The following B3GALT1 variants were observed in gnomAD, a reference collection of about 807,000 sequenced individuals.
The protein encoded by B3GALT1 is UDP-Gal:betaGlcNAc beta 1,3-galactosyltransferase, polypeptide 1.
In B3GALT1, 10 loss-of-function variants were observed where a neutral mutation model predicts 23.2. That is an observed-to-expected ratio of 0.43 (90% CI 0.27 to 0.73). B3GALT1 has a LOEUF of 0.73. B3GALT1 is among the 30% of genes least tolerant of loss of function. The probability of loss-of-function intolerance (pLI) is 0.21; values close to 1 mark genes in which losing one functional copy is unlikely to be tolerated. For missense variants in B3GALT1, 299 were observed against 405.4 expected (o/e 0.74, Z 2.25); for synonymous variants, 156 against 141.5 (o/e 1.10, Z -0.73).
chr2:167,650,485 T>C (rs10182008), intron 3 of B3GALT1, among the ~76,000 whole-genome samples: 105,598 of 151,458 alleles, frequency 0.7, 37,375 homozygotes, highest in Admixed American at 0.76. Context: ...GGTCTGTAGT[T>C]TTCCTTTTTT....
intron 2 of B3GALT1, among the ~76,000 whole-genome samples, chr2:167,502,341 A>G (rs73024044): frequency 0.011 from 1,714 of 152,294 alleles, 29 homozygotes; most frequent in African/African-American, 0.039. Context: ...AGCAACCACA[A>G]TATTCTAGGG....
chr2:167,410,615 G>A (rs1341045510), intron 1 of B3GALT1, among the ~76,000 whole-genome samples: 1 of 151,918 alleles, frequency 6.6e-6, no homozygotes, highest in Non-Finnish European at 1.5e-5. Context: ...GAGAGCATTA[G>A]GACAAATACC....
At chr2:167,592,929 A>C (rs150690619) in intron 2 of B3GALT1, among the ~76,000 whole-genome samples, 3 of 152,378 alleles carry the variant, frequency 2.0e-5, no homozygotes, top group Non-Finnish European at 4.4e-5. Flanking sequence ...AAAGATGGTC[A>C]GTGTCATGCG....
intron 1 of B3GALT1, among the ~76,000 whole-genome samples, chr2:167,392,205 G>C (rs781044609): frequency 6.6e-6 from 1 of 151,618 alleles, no homozygotes; most frequent in South Asian, 2.1e-4. Context: ...CTTTTAAATC[G>C]TTTCTATAAA....
intron 2 of B3GALT1, among the ~76,000 whole-genome samples, chr2:167,529,989 A>G (rs1683296984): frequency 6.6e-6 from 1 of 151,996 alleles, no homozygotes; most frequent in Non-Finnish European, 1.5e-5. Flanking sequence ...TAATATTTCA[A>G]ATCTTTACAA....
intron 2 of B3GALT1, among the ~76,000 whole-genome samples, chr2:167,630,197 T>C (rs1261476969): frequency 1.3e-5 from 2 of 151,788 alleles, no homozygotes; most frequent in Non-Finnish European, 2.9e-5. Flanking sequence ...CTTACCACAA[T>C]GCATTAAATG....
chr2:167,817,485 G>T lies in B3GALT1; in HGVS notation c.-351-1187G>T, dbSNP rs536048048. Among the ~76,000 whole-genome samples the T allele has an allele frequency of 9.2e-5, 14 of 152,288 alleles. No individual in the cohort carries two copies. The South Asian group carries it at 2.3e-3, about 25-fold the overall frequency. ...TGCACATGGGACCTAGAAAGGTTAA[G>T]TATCATCAGTGGCTGAGTCAGTCTC... On this transcript the variant is annotated intron_variant, in intron 3 of 4. Transcript: ENST00000392690.
intron 1 of B3GALT1, among the ~76,000 whole-genome samples, chr2:167,433,189 T>C (rs954596662): frequency 1.3e-5 from 2 of 152,198 alleles, no homozygotes; most frequent in Non-Finnish European, 2.9e-5. Flanking sequence ...TCATACAGTA[T>C]GTAGCCCTTT....
intron 1 of B3GALT1, among the ~76,000 whole-genome samples, chr2:167,454,216 CGCGCGCGT>C (rs1559102060): frequency 2.0e-5 from 3 of 146,806 alleles, no homozygotes; most frequent in African/African-American, 8.1e-5. Flanking sequence ...TGTGTGCGCA[CGCGCGCGT>C]GCACGTGTGT....
At chr2:167,654,637 G>C (rs1216410498) in intron 3 of B3GALT1, among the ~76,000 whole-genome samples, 1 of 151,846 alleles carries the variant, frequency 6.6e-6, no homozygotes, top group Non-Finnish European at 1.5e-5. Flanking sequence ...GGGATAGCAA[G>C]TGTGCACCAC....
intron 3 of B3GALT1, among the ~76,000 whole-genome samples, chr2:167,651,257 T>A (rs1685859216): frequency 9.9e-5 from 1 of 10,054 alleles, no homozygotes; most frequent in South Asian, 0.012. Flanking sequence ...TGTGTGTGTG[T>A]GTGTGTGTGT....
chr2:167,446,157 A>C (rs907898449), intron 1 of B3GALT1, among the ~76,000 whole-genome samples: 1 of 152,220 alleles, frequency 6.6e-6, no homozygotes, highest in Non-Finnish European at 1.5e-5. Flanking sequence ...TTCTGGGTTG[A>C]AAATTCTTTT....
Position 167,803,081 on chromosome 2 carries a change from AACACACACACAC to A in B3GALT1, c.-351-15562_-351-15551del, listed in dbSNP as rs71940853. Among the ~76,000 whole-genome samples the A allele has an allele frequency of 8.9e-3, 1,256 of 141,476 alleles. 18 individuals are homozygous for A. Among genetic ancestry groups the A allele is most frequent in the African/African-American group, 0.031 (1,169 of 37,186 alleles). The allele number at this position is 141,476 out of a possible 152,430, so 92.8% of individuals were successfully genotyped here. On this transcript the variant is annotated intron_variant, in intron 3 of 4. Transcript: ENST00000392690. ...TGACAATGTTCATTTGACCCTAACA[AACACACACACAC>A]ACACACACACACACACACACACACA... is the stretch of plus-strand genomic sequence containing the variant.
intron 4 of B3GALT1, among the ~76,000 whole-genome samples, chr2:167,849,983 G>A (rs189317836): frequency 1.3e-5 from 2 of 151,390 alleles, no homozygotes; most frequent in African/African-American, 4.8e-5. Context: ...CATTGGCTTA[G>A]GCAAGGATTT....
At chr2:167,516,555 T>C (rs1223615249) in intron 2 of B3GALT1, among the ~76,000 whole-genome samples, 1 of 152,074 alleles carries the variant, frequency 6.6e-6, no homozygotes, top group Non-Finnish European at 1.5e-5. Context: ...ACTTAAACTC[T>C]ATAGGCCTCT....
intron 1 of B3GALT1, among the ~76,000 whole-genome samples, chr2:167,327,220 G>C (rs1425313009): frequency 6.6e-6 from 1 of 151,970 alleles, no homozygotes. Context: ...AGACTGCTTT[G>C]GGCATTCTGG....
intron 1 of B3GALT1, among the ~76,000 whole-genome samples, chr2:167,335,187 GA>G (rs374420668): frequency 0.017 from 2,481 of 147,216 alleles, 55 homozygotes; most frequent in East Asian, 0.084. Flanking sequence ...TTTCTCAAAA[GA>G]AAAAAAAACG....
chr2:167,408,338 C>T (rs1328580024), intron 1 of B3GALT1, among the ~76,000 whole-genome samples: 1 of 152,042 alleles, frequency 6.6e-6, no homozygotes. Flanking sequence ...CAAAAAGCCT[C>T]ATCAAAATGG....
At chr2:167,799,926 A>G (rs1223954687) in intron 3 of B3GALT1, among the ~76,000 whole-genome samples, 3 of 151,600 alleles carry the variant, frequency 2.0e-5, no homozygotes, top group Non-Finnish European at 2.9e-5. Flanking sequence ...TCTGACTTCA[A>G]TAAAAGTTCT....
Sources: allele counts gnomAD v4.1 joint callset (sites outside exome capture counted in the v4.1 genomes callset), GRCh38; gene constraint gnomAD v4.1.1; transcripts MANE v1.5; gene names NCBI Gene and HGNC (gene_info 2026-07-23, HGNC 2026-07-21).